TNR: variants seen among roughly 807,000 people sequenced by gnomAD.
The protein encoded by TNR is tenascin-R.
TNR carries 45 observed loss-of-function variants against 150.4 expected under a neutral mutation model. The ratio of observed to expected loss-of-function variants is 0.30; its 90% CI spans 0.24 to 0.38. The LOEUF is 0.38. Ranked by LOEUF, TNR falls within the 10% of genes least tolerant of loss-of-function variation. The pLI is 1.00. For missense variants in TNR, 1,544 were observed against 1,759.1 expected (o/e 0.88, Z 2.19); for synonymous variants, 687 against 678.4 (o/e 1.01, Z -0.20).
At chr1:175,376,241 A>G (rs983629275) in intron 9 of TNR, among the ~76,000 whole-genome samples, 7 of 152,336 alleles carry the variant, frequency 4.6e-5, no homozygotes, top group Non-Finnish European at 8.8e-5. Context: ...TAAACCATCC[A>G]GTAGCTCACA....
At chr1:175,619,772 A>C (rs1015398713) in intron 1 of TNR, among the ~76,000 whole-genome samples, 1 of 152,212 alleles carries the variant, frequency 6.6e-6, no homozygotes, top group African/African-American at 2.4e-5. Flanking sequence ...AATTGGTAGT[A>C]ATCAAATATT....
intron 2 of TNR, among the ~76,000 whole-genome samples, chr1:175,421,233 C>T (rs1386533634): frequency 6.6e-6 from 1 of 152,180 alleles, no homozygotes; most frequent in East Asian, 1.9e-4. Flanking sequence ...CAACAATTCT[C>T]CTTCTCCAGG....
At chr1:175,511,975 T>G (rs983138346) in intron 2 of TNR, among the ~76,000 whole-genome samples, 1 of 152,226 alleles carries the variant, frequency 6.6e-6, no homozygotes, top group African/African-American at 2.4e-5. Flanking sequence ...GTAACCACTG[T>G]GATCCAGCAC....
intron 1 of TNR, among the ~76,000 whole-genome samples, chr1:175,653,862 A>T (rs971141629): frequency 6.6e-6 from 1 of 152,152 alleles, no homozygotes; most frequent in Non-Finnish European, 1.5e-5. Flanking sequence ...GTTTTTATTT[A>T]ATTTCTAAAT....
chr1:175,516,077 C>G (rs1659393817), intron 2 of TNR, among the ~76,000 whole-genome samples: 1 of 152,150 alleles, frequency 6.6e-6, no homozygotes, highest in African/African-American at 2.4e-5. Context: ...ATAGGCTTGG[C>G]TCTTGGTTTT....
At chr1:175,624,963 C>T (rs560350799) in intron 1 of TNR, among the ~76,000 whole-genome samples, 4 of 152,194 alleles carry the variant, frequency 2.6e-5, no homozygotes, top group Admixed American at 6.5e-5. Context: ...CCCACTTGCC[C>T]GGTTTTCTGG....
chr1:175,704,461 A>C lies in TNR; in HGVS notation c.-165+38765T>G, dbSNP rs1666790973. Among the ~76,000 whole-genome samples, 4 of 152,166 alleles carry C rather than the reference A, an allele frequency of 2.6e-5. No individual in the cohort carries two copies. The South Asian group carries it at 8.3e-4, about 32-fold the overall frequency. On this transcript the variant is annotated intron_variant, in intron 1 of 22. Transcript: ENST00000367674. ...GCCTAGAGAAGGATAGTCTGGAAAA[A>C]AGAAGGGAAACAAAATTAGGTAGAT...
At chr1:175,408,650 T>C (rs1301708014) in intron 2 of TNR, among the ~76,000 whole-genome samples, 1 of 152,232 alleles carries the variant, frequency 6.6e-6, no homozygotes, top group Non-Finnish European at 1.5e-5. Flanking sequence ...TTAAGCTCTC[T>C]GTGCCTCAGT....
intron 2 of TNR, among the ~76,000 whole-genome samples, chr1:175,474,362 A>G (rs78025620): frequency 0.025 from 3,863 of 152,262 alleles, 54 homozygotes; most frequent in African/African-American, 0.037. Context: ...ATCCAGAGGC[A>G]CCAGGGGTGC....
At chr1:175,586,165 C>T (rs1003854356) in intron 1 of TNR, among the ~76,000 whole-genome samples, 12 of 152,238 alleles carry the variant, frequency 7.9e-5, no homozygotes, top group East Asian at 3.9e-4. Flanking sequence ...AGGGATTTTC[C>T]AGGATGTCAT....
At chr1:175,671,995 G>T (rs1307541574) in intron 1 of TNR, among the ~76,000 whole-genome samples, 1 of 150,944 alleles carries the variant, frequency 6.6e-6, no homozygotes, top group African/African-American at 2.4e-5. Flanking sequence ...AAGGGCACAG[G>T]CTTTGGCATC....
chr1:175,686,113 A>G (rs77186939), intron 1 of TNR, among the ~76,000 whole-genome samples: 4,749 of 152,162 alleles, frequency 0.031, 111 homozygotes, highest in Non-Finnish European at 0.049. Context: ...TAAGTTTTTT[A>G]TTTGCCATGA....
At chr1:175,366,234 T>C in intron 10 of TNR, 96 bp from the exon 11 acceptor site, 1 of 1,319,942 alleles carries the variant, frequency 7.6e-7, no homozygotes, top group Non-Finnish European at 1.0e-6. Flanking sequence ...TCAGCAGGCC[T>C]GCTGACTATG....
At chr1:175,402,313 C>CAAAA (rs149037374) in intron 4 of TNR, among the ~76,000 whole-genome samples, 11 of 41,644 alleles carry the variant, frequency 2.6e-4, no homozygotes, top group Non-Finnish European at 3.7e-4. Context: ...GACTCCGTCT[C>CAAAA]AAAAAAAAAA....
intron 1 of TNR, among the ~76,000 whole-genome samples, chr1:175,697,488 C>A (rs1282466765): frequency 6.6e-6 from 1 of 152,110 alleles, no homozygotes; most frequent in African/African-American, 2.4e-5. Flanking sequence ...TAAGGTTGCT[C>A]CTTCCTGTGG....
chr1:175,394,969 G>A (rs74126999), intron 5 of TNR, among the ~76,000 whole-genome samples: 3,915 of 152,228 alleles, frequency 0.026, 153 homozygotes, highest in African/African-American at 0.088. Flanking sequence ...TCATCCCGGA[G>A]CAAGGTGGGA....
chr1:175,406,487 G>T lies in TNR; in HGVS notation c.228C>A (p.Asp76Glu). 2 of 1,614,202 alleles carry T rather than the reference G, an allele frequency of 1.2e-6. No individual in the cohort carries two copies. Among genetic ancestry groups the T allele is most frequent in the Non-Finnish European group, 1.7e-6 (2 of 1,180,032 alleles). Residue 76 changes from aspartate to glutamate, a missense_variant, in exon 3 of 23, where the codon GAC (aspartate) becomes GAA (glutamate). By Grantham distance (45) the Asp-to-Glu change is conservative. Transcript: ENST00000367674. The part of the protein sequence containing the change: ...NHVYNINVPL[D>E]NLCSSGLEAS... ...CCTCTAGCCCTGAGGAGCAGAGGTT[G>T]TCCAAGGGCACGTTAATGTTGTACA...
chr1:175,739,766 A>G (rs114224741), intron 1 of TNR, among the ~76,000 whole-genome samples: 3,229 of 152,208 alleles, frequency 0.021, 60 homozygotes, highest in Non-Finnish European at 0.032. Context: ...ATAGGACTCA[A>G]TTTCATGGTA....
At chr1:175,714,778 C>A (rs1020714647) in intron 1 of TNR, among the ~76,000 whole-genome samples, 3 of 152,218 alleles carry the variant, frequency 2.0e-5, no homozygotes, top group African/African-American at 7.2e-5. Context: ...TAAGCAGAGA[C>A]CGCCAGGCAC....
Sources: allele counts gnomAD v4.1 joint callset (sites outside exome capture counted in the v4.1 genomes callset), GRCh38; gene constraint gnomAD v4.1.1; transcripts MANE v1.5; gene names NCBI Gene and HGNC (gene_info 2026-07-23, HGNC 2026-07-21).